The following SORCS1 variants were observed in gnomAD, a reference collection of about 807,000 sequenced individuals.
SORCS1 encodes sortilin related VPS10 domain containing receptor 1.
SORCS1 carries 60 observed loss-of-function variants against 146.1 expected under a neutral mutation model. That is an observed-to-expected ratio of 0.41 (90% CI 0.33 to 0.51). SORCS1 has a LOEUF of 0.51. Ranked by LOEUF, SORCS1 falls within the 20% of genes least tolerant of loss-of-function variation. The pLI is 0.21. For missense variants in SORCS1, 1,352 were observed against 1,487.6 expected, an observed-to-expected ratio of 0.91 and a Z score of 1.50; for synonymous variants, 637 against 584.0, an observed-to-expected ratio of 1.09 and a Z score of -1.31.
chr10:106,719,055 A>T (rs1855596370), intron 6 of SORCS1, among the ~76,000 whole-genome samples: 1 of 152,194 alleles, frequency 6.6e-6, no homozygotes, highest in Non-Finnish European at 1.5e-5. Flanking sequence ...CCAGAAGCCC[A>T]CCCAGCTTCA....
At chr10:106,868,152 T>C (rs954170905) in intron 2 of SORCS1, among the ~76,000 whole-genome samples, 4 of 152,188 alleles carry the variant, frequency 2.6e-5, no homozygotes, top group Non-Finnish European at 5.9e-5. Flanking sequence ...AAGACCTAAC[T>C]ATCCCAAATA....
At chr10:106,975,867 G>T (rs1392815809) in intron 1 of SORCS1, among the ~76,000 whole-genome samples, 12 of 152,110 alleles carry the variant, frequency 7.9e-5, no homozygotes, top group Admixed American at 7.2e-4. Flanking sequence ...CCATCTCCTG[G>T]CTGGGCATGG....
chr10:106,630,557 C>G (rs925047770), intron 18 of SORCS1, among the ~76,000 whole-genome samples: 1 of 152,168 alleles, frequency 6.6e-6, no homozygotes, highest in African/African-American at 2.4e-5. Context: ...GTGCCATTAA[C>G]AAGCTGGAAG....
intron 4 of SORCS1, among the ~76,000 whole-genome samples, chr10:106,769,985 C>T (rs938316827): frequency 7.9e-5 from 12 of 151,758 alleles, no homozygotes; most frequent in African/African-American, 1.5e-4. Context: ...CCCAGCTATG[C>T]GGGAAGCTGA....
At chr10:106,928,399 G>A (rs1391703380) in intron 2 of SORCS1, among the ~76,000 whole-genome samples, 2 of 152,202 alleles carry the variant, frequency 1.3e-5, no homozygotes, top group Non-Finnish European at 2.9e-5. Flanking sequence ...GTGCGGGGCC[G>A]CCAAGCCCGC....
chr10:106,692,126 C>T (rs1012483730), intron 9 of SORCS1, among the ~76,000 whole-genome samples: 15 of 152,206 alleles, frequency 9.9e-5, no homozygotes, highest in African/African-American at 2.4e-4. Flanking sequence ...ACTGCAGCCA[C>T]GACCTCCTGG....
chr10:106,829,427 A>G lies in SORCS1; in HGVS notation c.726+147T>C, dbSNP rs1948443607. ...ATCTGAAAATTATGATGTGTCAGAC[A>G]TTTTACAATCTTAACATCCATCAAC... On this transcript the variant is annotated intron_variant, in intron 3 of 25. Transcript: ENST00000263054. The G allele has an allele frequency of 8.8e-6, 5 of 568,926 alleles. No homozygotes were observed. The South Asian group carries it at 1.3e-4, about 15-fold the overall frequency. The allele number at this position is 568,926 out of a possible 1,614,324, so 35.2% of individuals were successfully genotyped here.
intron 2 of SORCS1, among the ~76,000 whole-genome samples, chr10:106,932,939 A>G (rs1424675012): frequency 6.6e-6 from 1 of 152,202 alleles, no homozygotes; most frequent in Admixed American, 6.5e-5. Flanking sequence ...TTTAAAGCAT[A>G]TCAGTGATCT....
intron 1 of SORCS1, among the ~76,000 whole-genome samples, chr10:106,981,006 C>A (rs566441064): frequency 6.6e-6 from 1 of 151,652 alleles, no homozygotes; most frequent in East Asian, 1.9e-4. Context: ...AAAAAAACAA[C>A]TGGGTGACAC....
rs1969929727 is a variant in SORCS1, at chr10:107,164,191, T to C, written c.336A>G (p.Gly112=). The change falls in exon 1 of 26, where the codon GGA becomes GGG. Residue 112 remains glycine, a synonymous_variant. Transcript: ENST00000263054. The surrounding 1 kb of genome is among the most constrained non-coding windows in gnomAD (Gnocchi z 6.8). ...CCCGTTCTGCCTTCTCCTGATCCGCTCCGCTCCGTCTCCTCCGGCCGGAGC... is the reference window on the plus strand; with the variant it reads ...CCCGTTCTGCCTTCTCCTGATCCGCCCCGCTCCGTCTCCTCCGGCCGGAGC... The part of the protein sequence containing the change: ...AARSGRRRRS[G]ADQEKAERGE... The C allele has an allele frequency of 6.2e-7, 1 of 1,611,242 alleles. No homozygotes were observed. The highest frequency in any genetic ancestry group is 8.5e-7 in the Non-Finnish European group (1 of 1,179,920).
chr10:106,742,385 C>T (rs1857424658), intron 5 of SORCS1, among the ~76,000 whole-genome samples: 3 of 148,112 alleles, frequency 2.0e-5, no homozygotes, highest in Admixed American at 2.0e-4. Flanking sequence ...TAATTTTACA[C>T]AATTTTTTTT....
intron 2 of SORCS1, among the ~76,000 whole-genome samples, chr10:106,835,129 T>TC (rs1282567450): frequency 5.9e-5 from 9 of 152,200 alleles, no homozygotes; most frequent in Non-Finnish European, 1.2e-4. Flanking sequence ...CCACCCGCCT[T>TC]CCAAGAGGTT....
intron 8 of SORCS1, among the ~76,000 whole-genome samples, chr10:106,700,741 C>T (rs971484349): frequency 2.6e-5 from 4 of 152,126 alleles, no homozygotes; most frequent in Non-Finnish European, 4.4e-5. Context: ...TCCTCTTTAC[C>T]GTTTATCACA....
At chr10:106,648,202 CT>C (rs78170876) in intron 18 of SORCS1, among the ~76,000 whole-genome samples, 35,638 of 151,702 alleles carry the variant, frequency 0.23, 5,121 homozygotes, top group East Asian at 0.52. Flanking sequence ...GTATTATATT[CT>C]TTTTTTTCTC....
In SORCS1 at chr10:106,679,749, A is replaced by G. The variant is rs1852297806; in HGVS notation, c.1561-15T>C. The stretch of plus-strand genomic sequence containing the variant: ...GAGCAATAGGGCTGAAAAGAGAAAT[A>G]ATAAGTGCCACAAAATCACATAATC... On this transcript the variant is annotated splice_polypyrimidine_tract_variant and intron_variant, in intron 10 of 25. Transcript: ENST00000263054. The G allele has an allele frequency of 2.5e-6, 4 of 1,576,108 alleles. No individual in the cohort carries two copies. Among genetic ancestry groups the G allele is most frequent in the African/African-American group, 2.7e-5 (2 of 74,236 alleles).
At position 106,706,542 on chromosome 10, in the gene SORCS1, T is replaced by C; in HGVS notation, c.1233+3A>G. 6.2e-7 allele frequency: 1 copy of C among 1,610,010 alleles called. No homozygotes were observed. Among genetic ancestry groups the C allele is most frequent in the Non-Finnish European group, 8.5e-7 (1 of 1,176,976 alleles). On this transcript the variant is annotated splice_donor_region_variant and intron_variant, in intron 8 of 25. Transcript: ENST00000263054. ...GAAATGAAGAAAGTGATTTAGGCCA[T>C]ACCTTGGGCAAAGCATATTTCGGAA...
intron 15 of SORCS1, among the ~76,000 whole-genome samples, chr10:106,671,630 T>C (rs7909886): frequency 0.023 from 3,470 of 152,276 alleles, 143 homozygotes; most frequent in African/African-American, 0.08. Flanking sequence ...TTTGGCAAAG[T>C]GTTGGGTGCA....
chr10:106,957,636 T>C (rs915364033), intron 1 of SORCS1, among the ~76,000 whole-genome samples: 1 of 152,138 alleles, frequency 6.6e-6, no homozygotes, highest in Non-Finnish European at 1.5e-5. Flanking sequence ...GGGGTCCAGA[T>C]AATTACCGTG....
At chr10:107,162,078 T>C (rs963403230) in intron 1 of SORCS1, among the ~76,000 whole-genome samples, 2 of 152,212 alleles carry the variant, frequency 1.3e-5, no homozygotes, top group Admixed American at 1.3e-4. Context: ...GCACCATTTA[T>C]TATTATTTTT....
Sources: allele counts gnomAD v4.1 joint callset (sites outside exome capture counted in the v4.1 genomes callset), GRCh38; gene constraint gnomAD v4.1.1; non-coding constraint Gnocchi (gnomAD v3.1); transcripts MANE v1.5; gene names NCBI Gene and HGNC (gene_info 2026-07-23, HGNC 2026-07-21).